SUMF1: variants seen among roughly 807,000 people sequenced by gnomAD.
SUMF1 encodes the protein sulfatase modifying factor 1.
SUMF1 carries 48 observed loss-of-function variants against 47.6 expected under a neutral mutation model. That is an observed-to-expected ratio of 1.01 (90% CI 0.80 to 1.28). The LOEUF is 1.28. SUMF1 is among the 50% of genes most tolerant of loss of function. SUMF1 has a pLI of 0.00. For missense variants in SUMF1, 571 were observed against 485.4 expected (o/e 1.18, Z -1.66); for synonymous variants, 230 against 192.1 (o/e 1.20, Z -1.63).
At chr3:4,172,017 T>C (rs1296091639) in intron 8 of SUMF1, among the ~76,000 whole-genome samples, 3 of 152,088 alleles carry the variant, frequency 2.0e-5, no homozygotes, top group Non-Finnish European at 4.4e-5. Context: ...TTGAAGGCAA[T>C]ATGACGGGTT....
At chr3:4,278,390 G>T (rs1468582205) in intron 8 of SUMF1, among the ~76,000 whole-genome samples, 2 of 151,994 alleles carry the variant, frequency 1.3e-5, no homozygotes, top group Non-Finnish European at 2.9e-5. Context: ...TTAATGAAAG[G>T]TCATTTAAAT....
intron 8 of SUMF1, among the ~76,000 whole-genome samples, chr3:4,217,058 T>C (rs542369941): frequency 6.6e-6 from 1 of 152,250 alleles, no homozygotes; most frequent in African/African-American, 2.4e-5. Context: ...TAAAGACACA[T>C]GCACACGTAT....
chr3:4,219,020 T>A (rs1696003939), intron 8 of SUMF1, among the ~76,000 whole-genome samples: 1 of 152,096 alleles, frequency 6.6e-6, no homozygotes, highest in South Asian at 2.1e-4. Context: ...AAACATTCCG[T>A]AAGCTGCTGT....
intron 8 of SUMF1, among the ~76,000 whole-genome samples, chr3:4,185,609 A>C (rs941141234): frequency 2.6e-5 from 4 of 152,188 alleles, no homozygotes; most frequent in African/African-American, 4.8e-5. Context: ...GTAGCAGTTG[A>C]AAGTTAATAT....
At chr3:4,079,262 C>A (rs1692506492) in intron 8 of SUMF1, among the ~76,000 whole-genome samples, 1 of 152,128 alleles carries the variant, frequency 6.6e-6, no homozygotes, top group Non-Finnish European at 1.5e-5. Context: ...CTTGAAACCA[C>A]ACACCAGAAT....
At chr3:4,218,997 A>C (rs1320107195) in intron 8 of SUMF1, among the ~76,000 whole-genome samples, 1 of 152,098 alleles carries the variant, frequency 6.6e-6, no homozygotes, top group Non-Finnish European at 1.5e-5. Flanking sequence ...ACCCAAATCC[A>C]CTGGGTAATC....
At chr3:4,072,102 C>T (rs1695541325) in intron 8 of SUMF1, among the ~76,000 whole-genome samples, 1 of 152,216 alleles carries the variant, frequency 6.6e-6, no homozygotes, top group South Asian at 2.1e-4. Flanking sequence ...AAGGATCAGG[C>T]AGCAATATTT....
At chr3:4,140,137 C>A (rs939020683) in intron 8 of SUMF1, among the ~76,000 whole-genome samples, 3 of 152,022 alleles carry the variant, frequency 2.0e-5, no homozygotes, top group Non-Finnish European at 2.9e-5. Flanking sequence ...GGAATTTATC[C>A]TAATTTTCAT....
At position 4,466,976 on chromosome 3, in the gene SUMF1, CT is replaced by C; in HGVS notation, c.269del (p.Lys90ArgfsTer19). The C allele has an allele frequency of 1.2e-6, 2 of 1,604,852 alleles. No individual in the cohort carries two copies. The highest frequency in any genetic ancestry group is 1.7e-6 in the Non-Finnish European group (2 of 1,177,182). Reference sequence around the variant, plus strand: ...CGCCTCGGAGGAATCGATGGAGCACCTTTGAGTGCGCGAGTTGCCGCTCTCC... The same window carrying C: ...CGCCTCGGAGGAATCGATGGAGCACCTTGAGTGCGCGAGTTGCCGCTCTCC... ...VPGERQLAHS[K>X]MVPIPAGVFT... On this transcript the variant is annotated frameshift_variant and splice_region_variant, in exon 1 of 9. Coordinates refer to ENST00000272902, the MANE Select transcript of SUMF1 (RefSeq NM_182760.4). LOFTEE classifies it high-confidence loss of function.
chr3:4,370,395 C>T (rs750505062), intron 8 of SUMF1, among the ~76,000 whole-genome samples: 111 of 152,214 alleles, frequency 7.3e-4, no homozygotes, highest in Non-Finnish European at 5.3e-4. Context: ...ACATTTGCTA[C>T]ATAAATGGGA....
chr3:4,335,804 A>T (rs1394626421), intron 8 of SUMF1, among the ~76,000 whole-genome samples: 1 of 151,870 alleles, frequency 6.6e-6, no homozygotes, highest in African/African-American at 2.4e-5. Context: ...TACTAAAAAT[A>T]CAAAAATTAG....
chr3:4,176,594 G>A (rs1198693816), intron 8 of SUMF1, among the ~76,000 whole-genome samples: 1 of 152,138 alleles, frequency 6.6e-6, no homozygotes, highest in East Asian at 1.9e-4. Context: ...AGGCCAAATT[G>A]TAAAGACCAT....
intron 8 of SUMF1, among the ~76,000 whole-genome samples, chr3:4,183,329 T>C (rs952739445): frequency 2.6e-4 from 39 of 152,202 alleles, no homozygotes; most frequent in African/African-American, 8.7e-4. Flanking sequence ...CCTTCTCCTT[T>C]ATGTATTAAA....
intron 9 of SUMF1, among the ~76,000 whole-genome samples, chr3:4,058,602 G>A (rs571485673): frequency 6.6e-6 from 1 of 151,970 alleles, no homozygotes; most frequent in Non-Finnish European, 1.5e-5. Context: ...AGGAGGATAG[G>A]GAAATCATTT....
At chr3:4,132,740 G>A (rs771291497) in intron 8 of SUMF1, among the ~76,000 whole-genome samples, 1 of 152,100 alleles carries the variant, frequency 6.6e-6, no homozygotes, top group Non-Finnish European at 1.5e-5. Context: ...TAAGTCAACA[G>A]GCTAAGAAGG....
intron 8 of SUMF1, among the ~76,000 whole-genome samples, chr3:4,080,009 C>G (rs1320690905): frequency 1.3e-5 from 2 of 151,894 alleles, no homozygotes; most frequent in Non-Finnish European, 2.9e-5. Flanking sequence ...GTGTCCTTAT[C>G]TGTATAATAA....
chr3:4,036,371 T>A (rs1458467765), intron 9 of SUMF1, among the ~76,000 whole-genome samples: 2 of 152,108 alleles, frequency 1.3e-5, no homozygotes, highest in Non-Finnish European at 2.9e-5. Flanking sequence ...ACTCTGCCCT[T>A]CCAGATGTTC....
chr3:4,094,255 C>T (rs1692851461), intron 8 of SUMF1, among the ~76,000 whole-genome samples: 1 of 152,004 alleles, frequency 6.6e-6, no homozygotes, highest in Non-Finnish European at 1.5e-5. Context: ...TATTCATTCA[C>T]TCACTCCTTC....
chr3:4,174,837 G>A (rs1399697008), intron 8 of SUMF1, among the ~76,000 whole-genome samples: 2 of 152,150 alleles, frequency 1.3e-5, no homozygotes, highest in Non-Finnish European at 2.9e-5. Flanking sequence ...CTCAAATACT[G>A]TGCTATTCCC....
Sources: gnomAD v4.1 joint callset for allele counts (sites outside exome capture counted in the v4.1 genomes callset) on GRCh38, gnomAD v4.1.1 for gene constraint, MANE v1.5 for transcripts, NCBI Gene and HGNC (gene_info 2026-07-23, HGNC 2026-07-21) for gene names.